Variants in ZBTB46 observed in about 807,000 individuals in gnomAD.
ZBTB46 encodes zinc finger and BTB domain-containing protein 46.
ZBTB46 carries 8 observed loss-of-function variants against 44.1 expected under a neutral mutation model. The observed-to-expected ratio is 0.18, with a 90% CI of 0.11 to 0.33. ZBTB46 has a LOEUF of 0.33. Ranked by LOEUF, ZBTB46 falls within the 10% of genes least tolerant of loss-of-function variation. ZBTB46 has a pLI of 1.00. For synonymous variants in ZBTB46, 409 were observed against 382.3 expected (o/e 1.07, Z -0.81); for missense variants, 651 against 847.7 (o/e 0.77, Z 2.88).
At chr20:63,817,117 GAA>G (rs2092763494) in intron 1 of ZBTB46, among the ~76,000 whole-genome samples, 1 of 102,778 alleles carries the variant, frequency 9.7e-6, no homozygotes, top group Admixed American at 9.8e-5. Flanking sequence ...AAAAAAAAAA[GAA>G]AAGAAAAGAA....
intron 4 of ZBTB46, among the ~76,000 whole-genome samples, chr20:63,747,508 G>GCAGGGGGTGA: frequency 2.2e-5 from 2 of 89,426 alleles, no homozygotes; most frequent in Non-Finnish European, 4.7e-5. Flanking sequence ...TTGGGAGGGG[G>GCAGGGGGTGA]GCCAGGGGGT....
intron 1 of ZBTB46, among the ~76,000 whole-genome samples, chr20:63,811,068 C>T (rs985104548): frequency 1.3e-5 from 2 of 152,202 alleles, no homozygotes; most frequent in Admixed American, 1.3e-4. Flanking sequence ...AACAGGCAGG[C>T]GAAGAGTCTG....
At chr20:63,792,479 C>G (rs1461541233) in intron 1 of ZBTB46, among the ~76,000 whole-genome samples, 1 of 152,092 alleles carries the variant, frequency 6.6e-6, no homozygotes. Context: ...CGACTGGTTA[C>G]GACATACACA....
chr20:63,811,625 G>T (rs2092718185), intron 1 of ZBTB46, among the ~76,000 whole-genome samples: 1 of 152,138 alleles, frequency 6.6e-6, no homozygotes, highest in Non-Finnish European at 1.5e-5. Flanking sequence ...GGGCCCAGCA[G>T]AGATCTGCAC....
In ZBTB46 at chr20:63,752,650, C is replaced by T. The variant is rs377218041; in HGVS notation, c.1398+36G>A. On this transcript the variant is annotated intron_variant, in intron 4 of 4. Transcript: ENST00000245663. The surrounding 1 kb of genome is among the most constrained non-coding windows in gnomAD (Gnocchi z 5.6). ...CGCCTGCCCGGACATCGTGGCCACGCGCAGCGCGCGGCACGCGGACCCTCC... is the reference window on the plus strand; with the variant it reads ...CGCCTGCCCGGACATCGTGGCCACGTGCAGCGCGCGGCACGCGGACCCTCC... The T allele has an allele frequency of 2.7e-6, 4 of 1,480,654 alleles. No homozygotes were observed. The highest frequency in any genetic ancestry group is 3.6e-6 in the Non-Finnish European group (4 of 1,114,260). The allele number at this position is 1,480,654 out of a possible 1,614,324, so 91.7% of individuals were successfully genotyped here. A position where few individuals can be genotyped will look rare whatever the true frequency, so the allele number is the denominator to read the frequency against.
At chr20:63,830,180 G>A (rs1196974740) in intron 1 of ZBTB46, among the ~76,000 whole-genome samples, 1 of 152,228 alleles carries the variant, frequency 6.6e-6, no homozygotes, top group Non-Finnish European at 1.5e-5. Context: ...CCTATTGTGT[G>A]TGCTTCGTTA....
At chr20:63,809,906 G>C (rs2092707999) in intron 1 of ZBTB46, among the ~76,000 whole-genome samples, 1 of 151,186 alleles carries the variant, frequency 6.6e-6, no homozygotes, top group Admixed American at 6.6e-5. Context: ...AGGTTGGAGT[G>C]AGCCAAGATG....
chr20:63,802,388 C>CTCCA (rs2092652786), intron 1 of ZBTB46, among the ~76,000 whole-genome samples: 1 of 151,984 alleles, frequency 6.6e-6, no homozygotes. Context: ...CGCCACTGCA[C>CTCCA]TCCAGCCTGA....
chr20:63,753,248 C>T (rs1601394336), intron 3 of ZBTB46, among the ~76,000 whole-genome samples: 1 of 152,168 alleles, frequency 6.6e-6, no homozygotes, highest in Non-Finnish European at 1.5e-5. Context: ...AGGCCCTGGG[C>T]GTGGTGTCCG....
At chr20:63,833,685 G>C (rs58991061), upstream of ZBTB46, among the ~76,000 whole-genome samples, 1,307 of 152,248 alleles carry the variant, frequency 8.6e-3, 28 homozygotes, top group African/African-American at 0.03. Context: ...ACTCCTCCCC[G>C]CTTCCCCCTC....
chr20:63,816,703 G>A (rs1478326564), intron 1 of ZBTB46, among the ~76,000 whole-genome samples: 1 of 152,134 alleles, frequency 6.6e-6, no homozygotes, highest in African/African-American at 2.4e-5. Flanking sequence ...ACCTGCAAAC[G>A]TGACCTTATT....
chr20:63,816,011 GGTGCA>G (rs2092753300), intron 1 of ZBTB46, among the ~76,000 whole-genome samples: 1 of 150,382 alleles, frequency 6.6e-6, no homozygotes. Flanking sequence ...GGTGGGCACA[GGTGCA>G]GTGGGCGCAG....
intron 3 of ZBTB46, among the ~76,000 whole-genome samples, chr20:63,758,590 C>T (rs1007841022): frequency 3.3e-5 from 5 of 152,104 alleles, no homozygotes; most frequent in Non-Finnish European, 7.4e-5. Flanking sequence ...CCTTAGATCC[C>T]TATCCTAGAT....
In ZBTB46 at chr20:63,803,251, G is replaced by A; in HGVS notation, c.-33-12461C>T. On this transcript the variant is annotated intron_variant, in intron 1 of 4. Coordinates refer to ENST00000245663, the MANE Select transcript of ZBTB46 (RefSeq NM_001369741.1). This position sits in a 1 kb window ranked among gnomAD's most constrained non-coding sequence, Gnocchi z 4.0. The stretch of plus-strand genomic sequence containing the variant: ...CTCCCCTCACACCAAGGCGTTCATG[G>A]TTTACCTTCTTCTGAAAAAATTAAG... 3 of 962,024 alleles carry A rather than the reference G, an allele frequency of 3.1e-6. No homozygotes were observed. The highest frequency in any genetic ancestry group is 3.7e-6 in the Non-Finnish European group (3 of 808,720). The allele number at this position is 962,024 out of a possible 1,614,324, so 59.6% of individuals were successfully genotyped here.
chr20:63,790,925 AC>A, intron 1 of ZBTB46, 135 bp from the exon 2 acceptor site: 2 of 1,287,164 alleles, frequency 1.6e-6, no homozygotes, highest in Non-Finnish European at 2.1e-6. Flanking sequence ...GAGCCCATCC[AC>A]AGGTGTGCAG....
At chr20:63,796,252 C>T (rs1467387137) in intron 1 of ZBTB46, among the ~76,000 whole-genome samples, 3 of 152,236 alleles carry the variant, frequency 2.0e-5, no homozygotes, top group Non-Finnish European at 4.4e-5. Context: ...AGTGTGTCTG[C>T]CGCATCCACC....
chr20:63,808,767 G>C (rs1291928493), intron 1 of ZBTB46, among the ~76,000 whole-genome samples: 2 of 152,080 alleles, frequency 1.3e-5, no homozygotes, highest in Non-Finnish European at 2.9e-5. Context: ...GAGGTCAGGA[G>C]ATCAAGACCA....
Position 63,790,798 on chromosome 20 carries a change from G to T in ZBTB46, c.-33-8C>A. 6.5e-7 allele frequency: 1 copy of T among 1,540,760 alleles called. No homozygotes were observed. Among genetic ancestry groups the T allele is most frequent in the South Asian group, 1.2e-5 (1 of 82,002 alleles). On this transcript the variant is annotated splice_polypyrimidine_tract_variant and splice_region_variant and intron_variant, in intron 1 of 4. Coordinates refer to ENST00000245663, the MANE Select transcript of ZBTB46 (RefSeq NM_001369741.1). ...TCGCCTCTTCTACAGACTCTGTGGAGGTAAGAACAAGAGTTACCCAAGCTC... is the reference window on the plus strand; with the variant it reads ...TCGCCTCTTCTACAGACTCTGTGGATGTAAGAACAAGAGTTACCCAAGCTC...
At chr20:63,791,382 G>C (rs2092559327) in intron 1 of ZBTB46, among the ~76,000 whole-genome samples, 1 of 151,024 alleles carries the variant, frequency 6.6e-6, no homozygotes, top group Non-Finnish European at 1.5e-5. Flanking sequence ...TGTAGTCCCA[G>C]CTATTCAGGA....
Sources: gnomAD v4.1 joint callset for allele counts (sites outside exome capture counted in the v4.1 genomes callset) on GRCh38, gnomAD v4.1.1 for gene constraint, Gnocchi (gnomAD v3.1) non-coding constraint, MANE v1.5 for transcripts, NCBI Gene and HGNC (gene_info 2026-07-23, HGNC 2026-07-21) for gene names.